The following CDH2 variants were observed in gnomAD, a reference collection of about 807,000 sequenced individuals.
CDH2 encodes the protein cadherin-2.
CDH2 carries 17 observed loss-of-function variants against 92.0 expected under a neutral mutation model. The ratio of observed to expected loss-of-function variants is 0.18; its 90% CI spans 0.13 to 0.28. The LOEUF (loss-of-function observed/expected upper bound fraction) is 0.28, where lower values mean the gene tolerates loss of function less well. CDH2 is among the 10% of genes least tolerant of loss of function. The pLI is 1.00. For synonymous variants in CDH2, 419 were observed against 415.9 expected (o/e 1.01, Z -0.09); for missense variants, 862 against 1,133.1 (o/e 0.76, Z 3.44).
At chr18:28,074,616 A>G (rs2014683255) in intron 2 of CDH2, among the ~76,000 whole-genome samples, 1 of 151,688 alleles carries the variant, frequency 6.6e-6, no homozygotes, top group Admixed American at 6.6e-5. Flanking sequence ...ATATTATAGT[A>G]AAGGCTTAAC....
At chr18:28,159,985 A>G (rs2016281797) in intron 1 of CDH2, among the ~76,000 whole-genome samples, 1 of 152,118 alleles carries the variant, frequency 6.6e-6, no homozygotes, top group Non-Finnish European at 1.5e-5. Flanking sequence ...TTGGTGGTTT[A>G]TAGCCTTGAT....
intron 2 of CDH2, among the ~76,000 whole-genome samples, chr18:28,026,021 T>G (rs1443013032): frequency 6.6e-6 from 1 of 152,178 alleles, no homozygotes; most frequent in Non-Finnish European, 1.5e-5. Context: ...CTAGTGGCTA[T>G]GAAGTCACCA....
intron 2 of CDH2, among the ~76,000 whole-genome samples, chr18:28,054,702 T>C (rs2014258357): frequency 6.6e-6 from 1 of 152,166 alleles, no homozygotes; most frequent in Non-Finnish European, 1.5e-5. Context: ...CGAAAGACTT[T>C]ACTTCCAGGA....
At chr18:28,102,130 T>C (rs1030595581) in intron 2 of CDH2, among the ~76,000 whole-genome samples, 1 of 152,168 alleles carries the variant, frequency 6.6e-6, no homozygotes, top group Non-Finnish European at 1.5e-5. Context: ...GTGTCCTACT[T>C]TTCCAGTTAG....
chr18:28,111,127 T>C (rs2015404439), intron 2 of CDH2, among the ~76,000 whole-genome samples: 2 of 152,216 alleles, frequency 1.3e-5, no homozygotes, highest in Non-Finnish European at 2.9e-5. Flanking sequence ...GTGGCGCCCC[T>C]GGCCTACTTA....
intron 1 of CDH2, among the ~76,000 whole-genome samples, chr18:28,156,329 C>T (rs952285180): frequency 1.3e-5 from 2 of 152,162 alleles, no homozygotes; most frequent in South Asian, 2.1e-4. Flanking sequence ...AAAAGGCAGC[C>T]CCACAATACA....
intron 9 of CDH2, among the ~76,000 whole-genome samples, chr18:27,990,976 A>G (rs1019369386): frequency 1.3e-5 from 2 of 152,128 alleles, no homozygotes; most frequent in Admixed American, 1.3e-4. Context: ...GCAAACTAAA[A>G]CTCTGCTGTC....
rs545382584 is a variant in CDH2, at chr18:28,047,185, G to A, written c.173-33276C>T. Reference sequence around the variant, plus strand: ...TTTTTAGCTGTAGAGAAGCAACTAAGTTACAAAAAAGCACCAAGAGATTTA... The same window carrying A: ...TTTTTAGCTGTAGAGAAGCAACTAAATTACAAAAAAGCACCAAGAGATTTA... On this transcript the variant is annotated intron_variant, in intron 2 of 15. Transcript: ENST00000269141. 3.9e-5 allele frequency among the ~76,000 whole-genome samples: 6 copies of A among 152,150 alleles called. No individual in the cohort carries two copies. The South Asian group carries it at 1.2e-3, about 32-fold the overall frequency.
intron 2 of CDH2, among the ~76,000 whole-genome samples, chr18:28,015,123 A>C (rs1247466283): frequency 6.6e-6 from 1 of 152,146 alleles, no homozygotes; most frequent in African/African-American, 2.4e-5. Context: ...CCCACTGCAC[A>C]TATAAGCTGC....
intron 1 of CDH2, 26 bp from the exon 2 acceptor site, chr18:28,147,810 A>AAAAT: frequency 8.2e-7 from 1 of 1,221,066 alleles, no homozygotes. Flanking sequence ...AAAAAAAAAA[A>AAAAT]TGTGTGCAAT....
intron 15 of CDH2, among the ~76,000 whole-genome samples, chr18:27,958,307 T>C (rs2011303783): frequency 7.1e-6 from 1 of 141,622 alleles, no homozygotes; most frequent in South Asian, 2.3e-4. Context: ...ACTTTAGTAG[T>C]TTCAAGCAAG....
intron 2 of CDH2, among the ~76,000 whole-genome samples, chr18:28,029,630 A>T (rs930670163): frequency 6.6e-6 from 1 of 152,034 alleles, no homozygotes; most frequent in Non-Finnish European, 1.5e-5. Context: ...TTACACTTCT[A>T]TTTCACCATT....
At chr18:28,117,406 T>G (rs2015513070) in intron 2 of CDH2, among the ~76,000 whole-genome samples, 1 of 152,086 alleles carries the variant, frequency 6.6e-6, no homozygotes, top group South Asian at 2.1e-4. Flanking sequence ...ACACTAGGGT[T>G]AGGGCTGCTT....
intron 2 of CDH2, among the ~76,000 whole-genome samples, chr18:28,145,222 G>A (rs535179169): frequency 6.6e-5 from 10 of 152,082 alleles, no homozygotes; most frequent in Admixed American, 6.6e-4. Flanking sequence ...TGCCATCAAC[G>A]GGAAATTAAA....
intron 2 of CDH2, among the ~76,000 whole-genome samples, chr18:28,130,118 C>T (rs561905431): frequency 1.3e-5 from 2 of 152,288 alleles, no homozygotes; most frequent in South Asian, 4.1e-4. Flanking sequence ...TCACGTAAAA[C>T]ATTTTCATGT....
In CDH2 at chr18:28,176,968, G is replaced by A. The variant is rs1214159271; in HGVS notation, c.55C>T (p.Leu19Phe). ...RTLLPLLAAL[L>F]QASVEASGEI... The stretch of plus-strand genomic sequence containing the variant: ...CCGCGGGGACCGCCGCGTACCTGAA[G>A]CAGGGCCGCCAGCAGCGGCAGCAGG... The change falls in exon 1 of 16, where the codon CTT becomes TTT. Residue 19 changes from leucine to phenylalanine, a missense_variant. By Grantham distance (22) the Leu-to-Phe change is conservative. Around this residue, in one of 5 missense-constraint regions of CDH2, gnomAD observed 159 missense variants for 177.2 expected, o/e 0.90. Coordinates refer to ENST00000269141, the MANE Select transcript of CDH2 (RefSeq NM_001792.5). 3.5e-6 allele frequency: 5 copies of A among 1,419,774 alleles called. No individual in the cohort carries two copies. The highest frequency in any genetic ancestry group is 2.5e-5 in the Admixed American group (1 of 40,668). The allele number at this position is 1,419,774 out of a possible 1,614,324, so 87.9% of individuals were successfully genotyped here. A position where few individuals can be genotyped will look rare whatever the true frequency, so the allele number is the denominator to read the frequency against.
At chr18:28,164,629 TTTGATTCTAGCCTAGTCTCAAAACA>T (rs67585048) in intron 1 of CDH2, among the ~76,000 whole-genome samples, 10,957 of 152,060 alleles carry the variant, frequency 0.072, 1,279 homozygotes, top group African/African-American at 0.25. Context: ...GCTGAGTAAC[TTTGATTCTAGCCTAGTCTCAAAACA>T]CACACACACA....
intron 13 of CDH2, among the ~76,000 whole-genome samples, 194 bp from the exon 14 acceptor site, chr18:27,983,277 T>A (rs2012118847): frequency 6.6e-6 from 1 of 152,088 alleles, no homozygotes; most frequent in African/African-American, 2.4e-5. Context: ...GGGTTTAGAG[T>A]ATGAAGGCCT....
intron 9 of CDH2, among the ~76,000 whole-genome samples, chr18:27,990,593 G>A (rs887090356): frequency 6.6e-6 from 1 of 152,186 alleles, no homozygotes; most frequent in African/African-American, 2.4e-5. Flanking sequence ...CAGTGCACAT[G>A]ATTACTGCAC....
Sources: gnomAD v4.1 joint callset for allele counts (sites outside exome capture counted in the v4.1 genomes callset) on GRCh38, gnomAD v4.1.1 for gene constraint, gnomAD v4.1.1 regional missense constraint, MANE v1.5 for transcripts, NCBI Gene and HGNC (gene_info 2026-07-23, HGNC 2026-07-21) for gene names.